Variants in EDN1 observed in about 807,000 individuals in gnomAD.
The protein encoded by EDN1 is endothelin 1, also known as endothelin-1.
Under a neutral mutation model 21.7 loss-of-function variants are expected in EDN1, and 11 were observed. The observed-to-expected ratio is 0.51, with a 90% confidence interval of 0.32 to 0.84. The LOEUF (loss-of-function observed/expected upper bound fraction) is 0.84, where lower values mean the gene tolerates loss of function less well. EDN1 is among the 40% of genes least tolerant of loss of function. The pLI, the probability that EDN1 is intolerant of heterozygous loss-of-function variation, is 0.03. For missense variants in EDN1, 244 were observed against 262.3 expected, an observed-to-expected ratio of 0.93 and a Z score of 0.48; for synonymous variants, 85 against 90.6, an observed-to-expected ratio of 0.94 and a Z score of 0.35.
upstream of EDN1, among the ~76,000 whole-genome samples, chr6:12,287,688 C>CCTCTCTCTCT (rs757039157): frequency 7.7e-4 from 87 of 112,622 alleles, no homozygotes; most frequent in East Asian, 5.4e-4. Flanking sequence ...TCTCTCTCTC[C>CCTCTCTCTCT]CTCTCTCTCT....
the EDN1 span, among the ~76,000 whole-genome samples, chr6:12,247,832 C>A: frequency 6.6e-6 from 1 of 152,018 alleles, no homozygotes; most frequent in African/African-American, 2.4e-5. Context: ...AGCAACCACA[C>A]GCAGCTCTAA....
the EDN1 span, among the ~76,000 whole-genome samples, chr6:12,239,907 A>C: frequency 4.6e-5 from 7 of 152,190 alleles, no homozygotes; most frequent in Admixed American, 1.3e-4. Flanking sequence ...ACAGAAAACA[A>C]AAAACAAAAA....
chr6:12,296,125 C>G lies in EDN1; in HGVS notation c.*58C>G, dbSNP rs887434133. 2 of 1,448,782 alleles carry G rather than the reference C, an allele frequency of 1.4e-6. No individual in the cohort carries two copies. Among genetic ancestry groups the G allele is most frequent in the East Asian group, 2.3e-5 (1 of 43,950 alleles). The allele number at this position is 1,448,782 out of a possible 1,614,324, so 89.7% of individuals were successfully genotyped here. On this transcript the variant is annotated 3_prime_UTR_variant, in exon 5 of 5. Transcript: ENST00000379375. The stretch of plus-strand genomic sequence containing the variant: ...TCCACGGAGAGCCCTGTGGCCGACT[C>G]TGCACTCTCCACCCTGGCTGGGATC...
At chr6:12,291,754 A>G (rs1015625061) in intron 1 of EDN1, among the ~76,000 whole-genome samples, 2 of 152,138 alleles carry the variant, frequency 1.3e-5, no homozygotes, top group East Asian at 3.9e-4. Context: ...ACCCTCCTGA[A>G]TTGAATATTG....
At position 12,292,354 on chromosome 6, in the gene EDN1, T is replaced by G. The variant is rs760951012; in HGVS notation, c.78T>G (p.Ala26=). 3.3e-5 allele frequency: 54 copies of G among 1,613,948 alleles called. No individual in the cohort carries two copies. Among genetic ancestry groups the G allele is most frequent in the Non-Finnish European group, 4.3e-5 (51 of 1,180,024 alleles). ...TTCTCTCCCCAGCAGTCTTAGGCGC[T>G]GAGCTCAGCGCGGTGGGTGAGAACG... ...QGAPETAVLG[A]ELSAVGENGG... is the part of the protein sequence containing the mutation. Residue 26 remains alanine (A), a synonymous_variant, in exon 2 of 5, where the codon GCT becomes GCG. Transcript: ENST00000379375.
chr6:12,242,692 C>T, the EDN1 span, among the ~76,000 whole-genome samples: 1 of 152,154 alleles, frequency 6.6e-6, no homozygotes, highest in East Asian at 1.9e-4. Context: ...GGGTAGGTGG[C>T]TTTGGATCGC....
chr6:12,269,792 G>A, the EDN1 span, among the ~76,000 whole-genome samples: 1 of 151,784 alleles, frequency 6.6e-6, no homozygotes, highest in South Asian at 2.1e-4. Flanking sequence ...TTCTTCTCTG[G>A]TGTTAGTATC....
At chr6:12,234,706 A>C in the EDN1 span, among the ~76,000 whole-genome samples, 1 of 152,194 alleles carries the variant, frequency 6.6e-6, no homozygotes, top group Admixed American at 6.5e-5. Context: ...GAACTGCCAG[A>C]ATCCTACCTG....
At chr6:12,260,638 C>T in the EDN1 span, among the ~76,000 whole-genome samples, 8 of 152,248 alleles carry the variant, frequency 5.3e-5, no homozygotes, top group South Asian at 4.1e-4. Flanking sequence ...TTGTTCCCTG[C>T]GAAACTCACT....
At chr6:12,292,604 G>T in intron 2 of EDN1, 95 bp downstream of exon 2, 1 of 1,426,458 alleles carries the variant, frequency 7.0e-7, no homozygotes, top group African/African-American at 1.4e-5. Flanking sequence ...GACTCTGAAG[G>T]TAGTCCTTCT....
the EDN1 span, among the ~76,000 whole-genome samples, chr6:12,263,555 C>T: frequency 1.3e-5 from 2 of 152,182 alleles, no homozygotes; most frequent in African/African-American, 2.4e-5. Context: ...CTTCTATCTT[C>T]CTAATACTCA....
At chr6:12,233,076 GTTTTCTCTT>G in the EDN1 span, among the ~76,000 whole-genome samples, 8 of 152,174 alleles carry the variant, frequency 5.3e-5, no homozygotes, top group African/African-American at 1.9e-4. Context: ...GCAGATTTAA[GTTTTCTCTT>G]TTTTCTCTTT....
chr6:12,285,676 T>G (rs1485617883), upstream of EDN1, among the ~76,000 whole-genome samples: 1 of 152,158 alleles, frequency 6.6e-6, no homozygotes, highest in Non-Finnish European at 1.5e-5. Context: ...GGTTCAATGA[T>G]TCTCCTGCCT....
the EDN1 span, among the ~76,000 whole-genome samples, chr6:12,284,472 C>T: frequency 6.6e-6 from 1 of 150,966 alleles, no homozygotes; most frequent in African/African-American, 2.4e-5. Flanking sequence ...TGATTGCACT[C>T]CAGCCTGGGT....
chr6:12,269,208 T>C, the EDN1 span, among the ~76,000 whole-genome samples: 963 of 152,272 alleles, frequency 6.3e-3, 14 homozygotes, highest in African/African-American at 0.022. Context: ...TGAATTAGTT[T>C]ATCAGTTCTA....
chr6:12,288,240 T>TAA (rs3834286), upstream of EDN1, among the ~76,000 whole-genome samples: 66 of 145,400 alleles, frequency 4.5e-4, 1 homozygote, highest in African/African-American at 1.5e-3. Flanking sequence ...GCCAAAAGGT[T>TAA]AAAAAAAAAA....
At chr6:12,274,070 C>T in the EDN1 span, among the ~76,000 whole-genome samples, 2 of 152,092 alleles carry the variant, frequency 1.3e-5, no homozygotes, top group Non-Finnish European at 2.9e-5. Flanking sequence ...TTTAAAAAAC[C>T]TTCTCTTCAG....
At chr6:12,269,919 G>A in the EDN1 span, among the ~76,000 whole-genome samples, 1 of 152,122 alleles carries the variant, frequency 6.6e-6, no homozygotes, top group Non-Finnish European at 1.5e-5. Context: ...TAATACAGCA[G>A]TGAAGCCACT....
At chr6:12,293,167 G>A (rs917885510) in intron 2 of EDN1, among the ~76,000 whole-genome samples, 1 of 152,148 alleles carries the variant, frequency 6.6e-6, no homozygotes, top group Non-Finnish European at 1.5e-5. Context: ...ATCATCTGTC[G>A]GAAGCAGTCA....
Sources: gnomAD v4.1 joint callset for allele counts (sites outside exome capture counted in the v4.1 genomes callset) on GRCh38, gnomAD v4.1.1 for gene constraint, MANE v1.5 for transcripts, NCBI Gene and HGNC (gene_info 2026-07-23, HGNC 2026-07-21) for gene names.